SEMA6D: variants seen among roughly 807,000 people sequenced by gnomAD.
The protein encoded by SEMA6D is semaphorin-6D.
Under a neutral mutation model 106.6 loss-of-function variants are expected in SEMA6D, and 35 were observed. The ratio of observed to expected loss-of-function variants is 0.33; its 90% CI spans 0.25 to 0.44. The LOEUF (loss-of-function observed/expected upper bound fraction) is 0.44, where lower values mean the gene tolerates loss of function less well. Among genes scored for constraint, SEMA6D ranks in the 20% least tolerant of loss-of-function variants. The pLI is 1.00. For synonymous variants in SEMA6D, 499 were observed against 487.7 expected, an observed-to-expected ratio of 1.02 and a Z score of -0.31; for missense variants, 1,185 against 1,345.9, an observed-to-expected ratio of 0.88 and a Z score of 1.87.
chr15:47,600,201 G>C (rs559428091), intron 3 of SEMA6D, among the ~76,000 whole-genome samples: 51 of 152,208 alleles, frequency 3.4e-4, no homozygotes, highest in African/African-American at 1.2e-3. Context: ...CTCAGCAATA[G>C]CTTTTGCACA....
intron 1 of SEMA6D, among the ~76,000 whole-genome samples, chr15:47,388,897 C>T (rs1366348595): frequency 6.6e-6 from 1 of 152,148 alleles, no homozygotes; most frequent in Non-Finnish European, 1.5e-5. Context: ...GTTATAAAAT[C>T]TTACCAATAA....
chr15:47,395,245 T>G (rs2145885150), intron 1 of SEMA6D, among the ~76,000 whole-genome samples: 1 of 152,268 alleles, frequency 6.6e-6, no homozygotes, highest in East Asian at 1.9e-4. Context: ...CTTCAAAGAG[T>G]ACTCTTGGGA....
intron 3 of SEMA6D, among the ~76,000 whole-genome samples, chr15:47,582,433 A>T (rs558915957): frequency 6.6e-6 from 1 of 152,244 alleles, no homozygotes. Context: ...TAACTTGACA[A>T]TAGGCTAAAT....
intron 1 of SEMA6D, among the ~76,000 whole-genome samples, chr15:47,262,131 G>T (rs939830453): frequency 6.6e-6 from 1 of 151,908 alleles, no homozygotes; most frequent in East Asian, 1.9e-4. Flanking sequence ...AACTAGGGAG[G>T]TAAAAAAAAT....
intron 4 of SEMA6D, among the ~76,000 whole-genome samples, chr15:47,677,279 A>T (rs79067538): frequency 1.3e-5 from 2 of 152,202 alleles, no homozygotes; most frequent in African/African-American, 4.8e-5. Context: ...ATAGGCTGGG[A>T]GCTCAGCTGG....
At chr15:47,767,235 A>G in intron 17 of SEMA6D, 142 bp downstream of exon 17, 1 of 554,738 alleles carries the variant, frequency 1.8e-6, no homozygotes, top group Non-Finnish European at 3.2e-6. Context: ...GATGGTACCA[A>G]AAGACTTTTC....
chr15:47,434,341 T>G (rs1488167529), intron 2 of SEMA6D, among the ~76,000 whole-genome samples: 1 of 152,118 alleles, frequency 6.6e-6, no homozygotes, highest in Non-Finnish European at 1.5e-5. Context: ...TTCTGGGTCA[T>G]GCAGATTGGA....
chr15:47,497,111 G>GT (rs2043690762), intron 3 of SEMA6D, among the ~76,000 whole-genome samples: 1 of 151,804 alleles, frequency 6.6e-6, no homozygotes, highest in Admixed American at 6.6e-5. Flanking sequence ...GTCTTGTGAG[G>GT]TATCATTCTT....
chr15:47,263,647 A>T (rs1302398599), intron 1 of SEMA6D, among the ~76,000 whole-genome samples: 1 of 151,922 alleles, frequency 6.6e-6, no homozygotes, highest in African/African-American at 2.4e-5. Context: ...ACCATTGAGG[A>T]AGATAGTGTG....
At chr15:47,254,609 T>G (rs2033699220) in intron 1 of SEMA6D, among the ~76,000 whole-genome samples, 1 of 152,000 alleles carries the variant, frequency 6.6e-6, no homozygotes, top group Non-Finnish European at 1.5e-5. Context: ...CCTAATTTGT[T>G]GAGTGTTTTT....
chr15:47,706,070 G>T (rs369754703), intron 4 of SEMA6D, among the ~76,000 whole-genome samples: 62 of 152,290 alleles, frequency 4.1e-4, no homozygotes, highest in African/African-American at 1.5e-3. Flanking sequence ...AGTGGTAGAG[G>T]GAACTCAGGA....
intron 1 of SEMA6D, among the ~76,000 whole-genome samples, chr15:47,743,159 T>C (rs946824536): frequency 7.2e-5 from 11 of 152,184 alleles, no homozygotes; most frequent in African/African-American, 2.7e-4. Flanking sequence ...TTCCCAACAA[T>C]TTCAAAATCA....
rs114017985 is a variant in SEMA6D, at chr15:47,438,274, C to A, written c.-159+25802C>A. 6.7e-3 allele frequency among the ~76,000 whole-genome samples: 1,027 copies of A among 152,186 alleles called. 12 individuals are homozygous for A. The highest frequency in any genetic ancestry group is 0.024 in the African/African-American group (980 of 41,550). ...CATTGCACCACTCTGGTACAGGCTA[C>A]CATCATCTCTTGATTGTAATAGCCT... On this transcript the variant is annotated intron_variant, in intron 2 of 19. Transcript: ENST00000558014.
chr15:47,585,234 A>G (rs1261322840), intron 3 of SEMA6D, among the ~76,000 whole-genome samples: 1 of 152,242 alleles, frequency 6.6e-6, no homozygotes, highest in Non-Finnish European at 1.5e-5. Context: ...AATGGAAATT[A>G]TATATGATCA....
At chr15:47,370,567 G>A (rs558436559) in intron 1 of SEMA6D, among the ~76,000 whole-genome samples, 1 of 151,492 alleles carries the variant, frequency 6.6e-6, no homozygotes, top group Non-Finnish European at 1.5e-5. Context: ...ATTATGGGCT[G>A]GGTGCGGTGG....
chr15:47,556,288 G>A (rs915240241), intron 3 of SEMA6D, among the ~76,000 whole-genome samples: 5 of 152,024 alleles, frequency 3.3e-5, no homozygotes, highest in Admixed American at 6.6e-5. Flanking sequence ...ACTCCTTTCC[G>A]ATTCCCCGTA....
At chr15:47,288,701 T>C (rs2035473378) in intron 1 of SEMA6D, among the ~76,000 whole-genome samples, 1 of 152,062 alleles carries the variant, frequency 6.6e-6, no homozygotes, top group Admixed American at 6.5e-5. Context: ...GTAATATGAT[T>C]TTGTGCACTT....
intron 1 of SEMA6D, among the ~76,000 whole-genome samples, chr15:47,295,163 A>G (rs1374234009): frequency 6.6e-6 from 1 of 152,236 alleles, no homozygotes; most frequent in Non-Finnish European, 1.5e-5. Context: ...TGTCAGCTGT[A>G]AAACAAAGGT....
In SEMA6D at chr15:47,597,954, T is replaced by C. The variant is rs145401041; in HGVS notation, c.-86-2911T>C. Among the ~76,000 whole-genome samples the C allele has an allele frequency of 3.5e-3, 534 of 151,526 alleles. 21 individuals are homozygous for C. The South Asian group carries it at 0.063, about 18-fold the overall frequency. ...AAAAATAAAATTAAATTTAAAAAAC[T>C]AAATTTAAAAAAGATCACTGTGTTC... is the stretch of plus-strand genomic sequence containing the variant. On this transcript the variant is annotated intron_variant, in intron 3 of 19. Transcript: ENST00000558014.
Sources: gnomAD v4.1 joint callset for allele counts (sites outside exome capture counted in the v4.1 genomes callset) on GRCh38, gnomAD v4.1.1 for gene constraint, MANE v1.5 for transcripts, NCBI Gene and HGNC (gene_info 2026-07-23, HGNC 2026-07-21) for gene names.